The following HORMAD1 variants were observed in gnomAD, a reference collection of about 807,000 sequenced individuals.
HORMAD1 encodes HORMA domain containing 1.
In HORMAD1, 33 loss-of-function variants were observed where a neutral mutation model predicts 58.2. The observed-to-expected ratio is 0.57, with a 90% CI of 0.43 to 0.76. The LOEUF is 0.76. Among genes scored for constraint, HORMAD1 ranks in the 30% least tolerant of loss-of-function variants. The pLI is 0.00. For missense variants in HORMAD1, 363 were observed against 462.0 expected (o/e 0.79, Z 1.96); for synonymous variants, 137 against 144.6 (o/e 0.95, Z 0.38).
chr1:150,700,132 G>T lies in HORMAD1; in HGVS notation c.1084C>A (p.Gln362Lys). 1.3e-6 allele frequency: 2 copies of T among 1,563,606 alleles called. No homozygotes were observed. The highest frequency in any genetic ancestry group is 1.1e-5 in the South Asian group (1 of 89,970). ...CTTACTATTCTCCCAGATTCATGTTGACTTCTCTTCCGATTTTCTTTGGAA... is the reference window on the plus strand; with the variant it reads ...CTTACTATTCTCCCAGATTCATGTTTACTTCTCTTCCGATTTTCTTTGGAA... ...KSSKENRKRS[Q>K]HESGRIVLHH... Residue 362 changes from glutamine (Q) to lysine (K), a missense_variant, in exon 14 of 15, where the codon CAA becomes AAA. By Grantham distance (53) the Gln-to-Lys change is moderately conservative. This residue lies in a region of HORMAD1 where 226 missense variants were observed against 257.8 expected (regional missense o/e 0.88). Coordinates refer to ENST00000361824, the MANE Select transcript of HORMAD1 (RefSeq NM_032132.5).
At chr1:150,713,553 ATCT>A (rs1474146910) in intron 5 of HORMAD1, among the ~76,000 whole-genome samples, 2 of 152,066 alleles carry the variant, frequency 1.3e-5, no homozygotes, top group Admixed American at 6.6e-5. Flanking sequence ...AAAAAATTTC[ATCT>A]TCTTCACAAT....
Position 150,703,939 on chromosome 1 carries a change from G to A in HORMAD1, c.948+179C>T, listed in dbSNP as rs587712032. ...GGTTTATTACTAAACAAATCCACCAGTAATATACTCAAAATTCATCAACAT... is the reference window on the plus strand; with the variant it reads ...GGTTTATTACTAAACAAATCCACCAATAATATACTCAAAATTCATCAACAT... On this transcript the variant is annotated intron_variant, in intron 12 of 14. Transcript: ENST00000361824. Among the ~76,000 whole-genome samples the A allele has an allele frequency of 4.5e-4, 68 of 152,160 alleles. 1 individual carries two copies. The highest frequency in any genetic ancestry group is 1.6e-3 in the African/African-American group (68 of 41,520).
rs1027119905 is a variant in HORMAD1, at chr1:150,698,859, A to G, written c.1105-125T>C. On this transcript the variant is annotated intron_variant, in intron 14 of 14. Transcript: ENST00000361824. ...AAAATTTATGCCTAGCATACCTAGC[A>G]TAACTATATCTGGGTTTCTTAAAAG... The G allele has an allele frequency of 3.0e-5, 17 of 560,570 alleles. No individual in the cohort carries two copies. The South Asian group carries it at 4.4e-4, about 14-fold the overall frequency. 34.7% of individuals were successfully genotyped at this position (560,570 alleles called of 1,614,324 possible).
intron 7 of HORMAD1, among the ~76,000 whole-genome samples, chr1:150,709,543 G>C (rs587634445): frequency 2.0e-5 from 3 of 151,482 alleles, no homozygotes; most frequent in Admixed American, 6.6e-5. Flanking sequence ...CCTTGAAAGC[G>C]GGGTATTGTC....
intron 2 of HORMAD1, among the ~76,000 whole-genome samples, chr1:150,718,153 A>T (rs1224027651): frequency 3.9e-5 from 6 of 152,044 alleles, no homozygotes; most frequent in African/African-American, 1.4e-4. Flanking sequence ...CACCAATTTC[A>T]TAACATTTTC....
chr1:150,718,028 A>G (rs1329841262), intron 2 of HORMAD1, among the ~76,000 whole-genome samples: 1 of 152,190 alleles, frequency 6.6e-6, no homozygotes, highest in African/African-American at 2.4e-5. Flanking sequence ...GATGAATAAA[A>G]CAAATGTTAA....
At position 150,703,309 on chromosome 1, in the gene HORMAD1, C is replaced by A; in HGVS notation, c.1032+1G>T. The A allele has an allele frequency of 6.8e-7, 1 of 1,472,178 alleles. No homozygotes were observed. Among genetic ancestry groups the A allele is most frequent in the Non-Finnish European group, 9.4e-7 (1 of 1,064,302 alleles). The allele number at this position is 1,472,178 out of a possible 1,614,324, so 91.2% of individuals were successfully genotyped here. On this transcript the variant is annotated splice_donor_variant, in intron 13 of 14. Coordinates refer to ENST00000361824, the MANE Select transcript of HORMAD1 (RefSeq NM_032132.5). LOFTEE classifies it high-confidence loss of function. ...GAAAACAAACCTAAAGAGATATTTA[C>A]CATTTTATTCTGAAAGACTTTTCCA... is the stretch of plus-strand genomic sequence containing the variant.
rs758347393 is a variant in HORMAD1, at chr1:150,713,515, G to C, written c.279+570C>G. 6.6e-5 allele frequency among the ~76,000 whole-genome samples: 10 copies of C among 151,404 alleles called. No homozygotes were observed. The East Asian group carries it at 1.2e-3, about 18-fold the overall frequency. On this transcript the variant is annotated intron_variant, in intron 5 of 14. Transcript: ENST00000361824. ...GGTGCCACTGCATTCCAGCCTGAGC[G>C]ACAGAGCAAGACTCCATCTCAAAAA...
At position 150,698,138 on chromosome 1, in the gene HORMAD1, A is replaced by G. The variant is rs1651423953; in HGVS notation, c.*516T>C. On this transcript the variant is annotated 3_prime_UTR_variant, in exon 15 of 15. Coordinates refer to ENST00000361824, the MANE Select transcript of HORMAD1 (RefSeq NM_032132.5). ...TCAGTCTTTTTGTCCTGTAAAAAAA[A>G]GCATAGTAAAGGTAAAGCACCAATT... 6.6e-6 allele frequency: 1 copy of G among 152,246 alleles called. No individual in the cohort carries two copies. The highest frequency in any genetic ancestry group is 2.1e-4 in the South Asian group (1 of 4,836). 9.4% of individuals were successfully genotyped at this position (152,246 alleles called of 1,614,324 possible).
At chr1:150,705,729 T>A (rs1651671180) in intron 10 of HORMAD1, among the ~76,000 whole-genome samples, 1 of 152,190 alleles carries the variant, frequency 6.6e-6, no homozygotes, top group Admixed American at 6.5e-5. Flanking sequence ...AGACTGGGAT[T>A]TAGGTCTTAG....
intron 13 of HORMAD1, among the ~76,000 whole-genome samples, chr1:150,701,443 T>C (rs1651534792): frequency 6.6e-6 from 1 of 152,130 alleles, no homozygotes; most frequent in African/African-American, 2.4e-5. Flanking sequence ...TGAGTAGTGT[T>C]CCAATAAATG....
rs780659682 is a variant in HORMAD1, at chr1:150,704,291, G to C, written c.857C>G (p.Ser286Cys). 41 of 1,594,566 alleles carry C rather than the reference G, an allele frequency of 2.6e-5. No homozygotes were observed. Residue 286 changes from serine (S) to cysteine (C), a missense_variant, in exon 11 of 15, where the codon TCT becomes TGT. Physicochemically the swap from Ser to Cys is moderately radical, Grantham distance 112 (BLOSUM62 -1). This residue lies in a region of HORMAD1 where 226 missense variants were observed against 257.8 expected (regional missense o/e 0.88). Transcript: ENST00000361824. ...KMEEQEKNPA[S>C]SELEEPSLVC... ...TAACTTCTTACCTTCAAGTTCAGAA[G>C]ATGCAGGGTTTTTTTCCTGTTCTTC...
chr1:150,720,101 GTC>G (rs1361676984), intron 1 of HORMAD1, among the ~76,000 whole-genome samples: 3 of 147,978 alleles, frequency 2.0e-5, no homozygotes, highest in African/African-American at 7.4e-5. Context: ...TCGAGACGGT[GTC>G]TCTCTCTGTT....
At position 150,704,299 on chromosome 1, in the gene HORMAD1, G is replaced by T. The variant is rs144143157; in HGVS notation, c.849C>A (p.Asn283Lys). ...TACCTTCAAGTTCAGAAGATGCAGG[G>T]TTTTTTTCCTGTTCTTCCATTTTAG... ...IETKMEEQEK[N>K]PASSELEEPS... The change falls in exon 11 of 15, where the codon AAC becomes AAA. Residue 283 changes from asparagine (N) to lysine (K), a missense_variant. Asn to Lys is a moderately conservative substitution (Grantham distance 94). Coordinates refer to ENST00000361824, the MANE Select transcript of HORMAD1 (RefSeq NM_032132.5). 1.3e-6 allele frequency: 2 copies of T among 1,591,866 alleles called. No individual in the cohort carries two copies. The highest frequency in any genetic ancestry group is 1.7e-6 in the Non-Finnish European group (2 of 1,171,146).
Position 150,706,548 on chromosome 1 carries a change from C to A in HORMAD1, c.804+5G>T. On this transcript the variant is annotated splice_donor_5th_base_variant and intron_variant, in intron 10 of 14. Coordinates refer to ENST00000361824, the MANE Select transcript of HORMAD1 (RefSeq NM_032132.5). ...TGTTCTTTATAACTCTTGAAATACA[C>A]TTACACTTGTATAATGCTCCTGTTC... 1 of 1,595,206 alleles carries A rather than the reference C, an allele frequency of 6.3e-7. No homozygotes were observed. Among genetic ancestry groups the A allele is most frequent in the Non-Finnish European group, 8.6e-7 (1 of 1,167,148 alleles).
chr1:150,702,907 A>T (rs1477681180), intron 13 of HORMAD1, among the ~76,000 whole-genome samples: 1 of 152,156 alleles, frequency 6.6e-6, no homozygotes, highest in African/African-American at 2.4e-5. Flanking sequence ...AATTAAATGA[A>T]ATTTAAAAAG....
intron 13 of HORMAD1, among the ~76,000 whole-genome samples, chr1:150,700,557 C>T (rs587595689): frequency 6.6e-6 from 1 of 152,282 alleles, no homozygotes; most frequent in Non-Finnish European, 1.5e-5. Context: ...CAGAGTTGTA[C>T]AACCATCACT....
intron 14 of HORMAD1, among the ~76,000 whole-genome samples, chr1:150,699,342 GAGACCCTATATTTTTAGGGA>G (rs1651464268): frequency 6.6e-6 from 1 of 152,090 alleles, no homozygotes; most frequent in Non-Finnish European, 1.5e-5. Flanking sequence ...GTACTAGGAG[GAGACCCTATATTTTTAGGGA>G]ACACATGTAT....
At chr1:150,712,863 T>A (rs1158281423) in intron 5 of HORMAD1, among the ~76,000 whole-genome samples, 1 of 152,208 alleles carries the variant, frequency 6.6e-6, no homozygotes, top group Non-Finnish European at 1.5e-5. Context: ...AATTTTTAAA[T>A]GTAAATCAAA....
Sources: gnomAD v4.1 joint callset for allele counts (sites outside exome capture counted in the v4.1 genomes callset) on GRCh38, gnomAD v4.1.1 for gene constraint, gnomAD v4.1.1 regional missense constraint, MANE v1.5 for transcripts, NCBI Gene and HGNC (gene_info 2026-07-23, HGNC 2026-07-21) for gene names.